The following ANKFN1 variants were observed in gnomAD, a reference collection of about 807,000 sequenced individuals.
The protein encoded by ANKFN1 is ankyrin repeat and fibronectin type-III domain-containing protein 1.
Under a neutral mutation model 108.7 loss-of-function variants are expected in ANKFN1, and 74 were observed. That is an observed-to-expected ratio of 0.68 (90% CI 0.56 to 0.83). The LOEUF (loss-of-function observed/expected upper bound fraction) is 0.83. Among genes scored for constraint, ANKFN1 ranks in the 40% least tolerant of loss-of-function variants. ANKFN1 has a pLI of 0.00. For missense variants in ANKFN1, 1,505 were observed against 1,382.3 expected (o/e 1.09, Z -1.41); for synonymous variants, 547 against 516.2 (o/e 1.06, Z -0.81).
intron 1 of ANKFN1, among the ~76,000 whole-genome samples, chr17:56,193,003 AAATGT>A (rs1356500067): frequency 7.2e-6 from 1 of 138,648 alleles, no homozygotes; most frequent in Non-Finnish European, 1.5e-5. Flanking sequence ...GAACCAACCC[AAATGT>A]CCAAAAATGA....
At chr17:56,483,265 T>A (rs1376556672) in intron 18 of ANKFN1, among the ~76,000 whole-genome samples, 1 of 152,188 alleles carries the variant, frequency 6.6e-6, no homozygotes, top group Non-Finnish European at 1.5e-5. Flanking sequence ...TTCCCATGCT[T>A]CATCTTGTAA....
At chr17:56,500,355 C>G (rs1319547327) in intron 20 of ANKFN1, among the ~76,000 whole-genome samples, 1 of 151,934 alleles carries the variant, frequency 6.6e-6, no homozygotes, top group Non-Finnish European at 1.5e-5. Flanking sequence ...ACTTAGGAGA[C>G]AGCTAATTTA....
intron 4 of ANKFN1, among the ~76,000 whole-genome samples, chr17:56,127,713 C>T (rs1185325188): frequency 1.3e-5 from 2 of 152,196 alleles, no homozygotes; most frequent in Non-Finnish European, 2.9e-5. Flanking sequence ...AATCACTTTA[C>T]CAAAGCCTGA....
At chr17:56,177,206 A>G (rs972534563) in intron 1 of ANKFN1, among the ~76,000 whole-genome samples, 18 of 152,170 alleles carry the variant, frequency 1.2e-4, no homozygotes, top group African/African-American at 3.9e-4. Flanking sequence ...GGTTTTCCCA[A>G]GGGGGTTCCC....
chr17:56,354,737 T>A (rs2046330943), intron 6 of ANKFN1, among the ~76,000 whole-genome samples: 1 of 152,304 alleles, frequency 6.6e-6, no homozygotes, highest in East Asian at 1.9e-4. Context: ...TTCTATGATA[T>A]CAACTTTTTA....
At chr17:56,180,336 G>A (rs1444100965) in intron 1 of ANKFN1, among the ~76,000 whole-genome samples, 1 of 152,154 alleles carries the variant, frequency 6.6e-6, no homozygotes, top group Non-Finnish European at 1.5e-5. Flanking sequence ...CCTCATCCAT[G>A]TTTATGGCTG....
chr17:56,306,808 T>C lies in ANKFN1; in HGVS notation c.54-19413T>C, dbSNP rs370327614. Among the ~76,000 whole-genome samples, 119 of 152,150 alleles carry C rather than the reference T, an allele frequency of 7.8e-4. 1 individual carries two copies. Among genetic ancestry groups the C allele is most frequent in the African/African-American group, 2.6e-3 (109 of 41,486 alleles). On this transcript the variant is annotated intron_variant, in intron 3 of 20. Transcript: ENST00000682825. Reference sequence around the variant, plus strand: ...CAAAAGAACAAAGCTGGAGGCATCATGCTACCTGACTTCAAACTATACTAC... The same window carrying C: ...CAAAAGAACAAAGCTGGAGGCATCACGCTACCTGACTTCAAACTATACTAC...
At chr17:56,358,378 C>G (rs1259788629) in intron 6 of ANKFN1, among the ~76,000 whole-genome samples, 1 of 152,102 alleles carries the variant, frequency 6.6e-6, no homozygotes, top group Non-Finnish European at 1.5e-5. Flanking sequence ...CTATCTTGAA[C>G]CCCTCGATGC....
chr17:56,093,562 A>G (rs998111174), intron 4 of ANKFN1, among the ~76,000 whole-genome samples: 1 of 151,414 alleles, frequency 6.6e-6, no homozygotes, highest in African/African-American at 2.4e-5. Flanking sequence ...CACACATTTC[A>G]AACAACTTCC....
chr17:56,126,046 G>A (rs1598114537), intron 4 of ANKFN1, among the ~76,000 whole-genome samples: 1 of 152,210 alleles, frequency 6.6e-6, no homozygotes, highest in Non-Finnish European at 1.5e-5. Flanking sequence ...CGGGGCTGCT[G>A]TTGTGTGGGG....
intron 4 of ANKFN1, among the ~76,000 whole-genome samples, chr17:56,333,621 C>T (rs906532920): frequency 2.0e-5 from 3 of 150,488 alleles, no homozygotes; most frequent in African/African-American, 7.5e-5. Context: ...TCATGATAGA[C>T]ATTGGTCCAT....
chr17:56,141,863 T>C (rs1409171584), intron 4 of ANKFN1, among the ~76,000 whole-genome samples: 2 of 151,972 alleles, frequency 1.3e-5, no homozygotes, highest in East Asian at 3.8e-4. Flanking sequence ...CAAAAAGCAC[T>C]TCTAACCACA....
At chr17:56,305,558 A>G (rs2044797121) in intron 3 of ANKFN1, among the ~76,000 whole-genome samples, 1 of 152,130 alleles carries the variant, frequency 6.6e-6, no homozygotes, top group Non-Finnish European at 1.5e-5. Flanking sequence ...TCTTTGTCAG[A>G]GGTATGCCTT....
At chr17:56,055,531 C>T (rs1904852864) in intron 4 of ANKFN1, among the ~76,000 whole-genome samples, 11 of 66,270 alleles carry the variant, frequency 1.7e-4, no homozygotes, top group Admixed American at 4.6e-4. Context: ...TGTGTGTATG[C>T]CTAATGTGGT....
chr17:56,397,490 A>G lies in ANKFN1; in HGVS notation c.910+22776A>G, dbSNP rs376194878. ...TCTGACAATGTGCATTTGGTTTAGG[A>G]AAGTCCATCCCACTCTTCAGACTCT... On this transcript the variant is annotated intron_variant, in intron 8 of 20. Coordinates refer to ENST00000682825, the MANE Select transcript of ANKFN1 (RefSeq NM_001370326.1). Among the ~76,000 whole-genome samples the G allele has an allele frequency of 1.4e-4, 22 of 152,248 alleles. 3 individuals are homozygous for G. The highest frequency in any genetic ancestry group is 9.2e-4 in the Admixed American group (14 of 15,286).
At chr17:56,221,476 C>G (rs7223683) in intron 2 of ANKFN1, among the ~76,000 whole-genome samples, 1 of 151,870 alleles carries the variant, frequency 6.6e-6, no homozygotes, top group South Asian at 2.1e-4. Flanking sequence ...TCAAACAGAG[C>G]CTTATACGAT....
At chr17:56,240,009 T>C (rs2143990524) in intron 3 of ANKFN1, among the ~76,000 whole-genome samples, 1 of 152,300 alleles carries the variant, frequency 6.6e-6, no homozygotes, top group South Asian at 2.1e-4. Context: ...CATTATGAAA[T>C]ATTTCAAACA....
intron 4 of ANKFN1, among the ~76,000 whole-genome samples, chr17:56,077,781 C>A (rs1357498537): frequency 6.6e-6 from 1 of 152,066 alleles, no homozygotes; most frequent in Non-Finnish European, 1.5e-5. Flanking sequence ...ATGTTTACTG[C>A]ATTTGGCAGC....
chr17:56,283,739 GA>G (rs752427592), intron 3 of ANKFN1, among the ~76,000 whole-genome samples: 4 of 151,702 alleles, frequency 2.6e-5, no homozygotes, highest in African/African-American at 4.8e-5. Context: ...GACCTCAGGG[GA>G]AAGGGTGGGA....
Sources: allele counts gnomAD v4.1 joint callset (sites outside exome capture counted in the v4.1 genomes callset), GRCh38; gene constraint gnomAD v4.1.1; transcripts MANE v1.5; gene names NCBI Gene and HGNC (gene_info 2026-07-23, HGNC 2026-07-21).